The following TNR variants were observed in gnomAD, a reference collection of about 807,000 sequenced individuals.
TNR encodes tenascin-R.
TNR carries 45 observed loss-of-function variants against 150.4 expected under a neutral mutation model. The ratio of observed to expected loss-of-function variants is 0.30; its 90% CI spans 0.24 to 0.38. TNR has a LOEUF of 0.38. Ranked by LOEUF, TNR falls within the 10% of genes least tolerant of loss-of-function variation. TNR has a pLI of 1.00. For synonymous variants in TNR, 687 were observed against 678.4 expected (o/e 1.01, Z -0.20); for missense variants, 1,544 against 1,759.1 (o/e 0.88, Z 2.19).
chr1:175,640,774 T>C (rs1664629506), intron 1 of TNR, among the ~76,000 whole-genome samples: 1 of 149,150 alleles, frequency 6.7e-6, no homozygotes, highest in Non-Finnish European at 1.5e-5. Context: ...TAAATATATA[T>C]ATGTGTGTGT....
intron 1 of TNR, among the ~76,000 whole-genome samples, chr1:175,560,226 T>C (rs1271507765): frequency 6.6e-6 from 1 of 152,224 alleles, no homozygotes; most frequent in Non-Finnish European, 1.5e-5. Flanking sequence ...GCCAGTCCCA[T>C]AGTCTGTAGA....
intron 2 of TNR, among the ~76,000 whole-genome samples, chr1:175,441,145 T>C (rs950440147): frequency 1.3e-5 from 2 of 152,198 alleles, no homozygotes; most frequent in African/African-American, 4.8e-5. Flanking sequence ...ACAATTAACA[T>C]GATGCCTGGC....
At chr1:175,645,152 G>T (rs192723824) in intron 1 of TNR, among the ~76,000 whole-genome samples, 7 of 152,148 alleles carry the variant, frequency 4.6e-5, no homozygotes, top group Admixed American at 4.6e-4. Flanking sequence ...ATAATAAAAT[G>T]ACACATTTTT....
intron 2 of TNR, among the ~76,000 whole-genome samples, chr1:175,517,753 A>G (rs1285570967): frequency 6.6e-6 from 1 of 152,180 alleles, no homozygotes; most frequent in African/African-American, 2.4e-5. Context: ...TGCACAGATG[A>G]TAAGTTTCTT....
intron 1 of TNR, among the ~76,000 whole-genome samples, chr1:175,648,887 C>G (rs2101886857): frequency 6.6e-6 from 1 of 152,306 alleles, no homozygotes; most frequent in South Asian, 2.1e-4. Flanking sequence ...CCACCACCTT[C>G]CTGGTTCATG....
At position 175,402,073 on chromosome 1, in the gene TNR, C is replaced by T. The variant is rs370967464; in HGVS notation, c.976+1067G>A. The stretch of plus-strand genomic sequence containing the variant: ...CTGTAATCCCAGCACTTTGGGAGGC[C>T]GAGGCGGGCGGATCATGAGGTCAGG... On this transcript the variant is annotated intron_variant, in intron 4 of 22. Transcript: ENST00000367674. Among the ~76,000 whole-genome samples, 19 of 150,956 alleles carry T rather than the reference C, an allele frequency of 1.3e-4. 1 individual carries two copies. The highest frequency in any genetic ancestry group is 9.8e-4 in the East Asian group (5 of 5,126).
chr1:175,497,915 C>T (rs1232175591), intron 2 of TNR, among the ~76,000 whole-genome samples: 1 of 152,082 alleles, frequency 6.6e-6, no homozygotes, highest in Non-Finnish European at 1.5e-5. Context: ...GAAAAATTAG[C>T]TGGGCGTGGT....
intron 1 of TNR, among the ~76,000 whole-genome samples, chr1:175,701,693 A>G (rs1256734014): frequency 6.6e-6 from 1 of 152,246 alleles, no homozygotes; most frequent in African/African-American, 2.4e-5. Context: ...TGTATTAACA[A>G]TGCTGTTGAT....
At position 175,406,243 on chromosome 1, in the gene TNR, T is replaced by A. The variant is rs776307251; in HGVS notation, c.472A>T (p.Asn158Tyr). The A allele has an allele frequency of 6.2e-7, 1 of 1,614,082 alleles. No individual in the cohort carries two copies. Among genetic ancestry groups the A allele is most frequent in the Non-Finnish European group, 8.5e-7 (1 of 1,179,992 alleles). Reference protein sequence around the residue: ...VSVLRDQCNANCCQESAATGQ... With the variant: ...VSVLRDQCNAYCCQESAATGQ... ...GTGGCAGCACTTTCTTGGCAGCAGT[T>A]GGCGTTGCACTGGTCTCGCAGCACC... The change falls in exon 3 of 23, where the codon AAC (asparagine) becomes TAC (tyrosine). Residue 158 changes from asparagine to tyrosine, a missense_variant. Physicochemically the swap from Asn to Tyr is moderately radical, Grantham distance 143. Around this residue, in one of 2 missense-constraint regions of TNR, gnomAD observed 1,254 missense variants for 1,329.4 expected, o/e 0.94. Coordinates refer to ENST00000367674, the MANE Select transcript of TNR (RefSeq NM_003285.3).
At chr1:175,359,431 C>T (rs1433806056) in intron 15 of TNR, among the ~76,000 whole-genome samples, 181 bp downstream of exon 15, 1 of 152,022 alleles carries the variant, frequency 6.6e-6, no homozygotes, top group Non-Finnish European at 1.5e-5. Context: ...CAAGTGTGAG[C>T]CACGATGCCC....
Position 175,331,002 on chromosome 1 carries a change from T to TTTCTTTC in TNR, c.3632-774_3632-768dup, listed in dbSNP as rs1491470362. Among the ~76,000 whole-genome samples, 39 of 27,896 alleles carry TTTCTTTC rather than the reference T, an allele frequency of 1.4e-3. 1 individual carries two copies. Among genetic ancestry groups the TTTCTTTC allele is most frequent in the African/African-American group, 4.9e-3 (35 of 7,188 alleles). 18.3% of individuals were successfully genotyped at this position (27,896 alleles called of 152,430 possible). On this transcript the variant is annotated intron_variant, in intron 20 of 22. Coordinates refer to ENST00000367674, the MANE Select transcript of TNR (RefSeq NM_003285.3). ...GAGTCCAGATCCCTCTTGGTGATTC[T>TTTCTTTC]TTCTTTCTTTCTTTCTTTCTTTCTT...
chr1:175,721,585 A>T (rs1383954338), intron 1 of TNR, among the ~76,000 whole-genome samples: 2 of 152,044 alleles, frequency 1.3e-5, no homozygotes, highest in Admixed American at 1.3e-4. Context: ...GCTTCTCTTC[A>T]TTCTGCACTG....
intron 2 of TNR, among the ~76,000 whole-genome samples, chr1:175,438,970 A>T: frequency 6.6e-6 from 1 of 152,122 alleles, no homozygotes; most frequent in Non-Finnish European, 1.5e-5. Context: ...TATAGATTCA[A>T]TGCCATCCCC....
chr1:175,522,605 C>T (rs1659684314), intron 2 of TNR, among the ~76,000 whole-genome samples: 1 of 152,022 alleles, frequency 6.6e-6, no homozygotes, highest in Admixed American at 6.6e-5. Context: ...TGCAAAACTA[C>T]AATCTGTAGG....
chr1:175,354,476 C>A lies in TNR; in HGVS notation c.3297G>T (p.Leu1099=). The A allele has an allele frequency of 6.2e-7, 1 of 1,614,134 alleles. No homozygotes were observed. The highest frequency in any genetic ancestry group is 1.3e-5 in the African/African-American group (1 of 75,044). ...AEDTWIRLEG[L]LENTDYTVLL... ...GCACCGTGTAGTCTGTGTTCTCCAA[C>A]AGGCCCTCCAGTCGAATCCAGGTGT... The change falls in exon 18 of 23, where the codon CTG becomes CTT. Residue 1099 remains leucine (L), a synonymous_variant. Transcript: ENST00000367674.
intron 1 of TNR, among the ~76,000 whole-genome samples, chr1:175,741,840 G>T (rs1419561975): frequency 6.6e-6 from 1 of 152,158 alleles, no homozygotes; most frequent in African/African-American, 2.4e-5. Flanking sequence ...CCATTCTAGG[G>T]TCCATTTGGG....
chr1:175,656,561 G>A (rs1162687127), intron 1 of TNR: 1 of 152,400 alleles, frequency 6.6e-6, no homozygotes, highest in Non-Finnish European at 1.5e-5. Context: ...TGAGCTTGCA[G>A]CTGGCTGGCT....
Position 175,362,759 on chromosome 1 carries a change from T to A in TNR, c.2758A>T (p.Ile920Phe), listed in dbSNP as rs748291080. Residue 920 changes from isoleucine to phenylalanine, a missense_variant, in exon 14 of 23, where the codon ATC (isoleucine) becomes TTC (phenylalanine). Transcript: ENST00000367674. Reference protein sequence around the residue: ...VVPNTVTEFTITRLNPATEYE... With the variant: ...VVPNTVTEFTFTRLNPATEYE... The stretch of plus-strand genomic sequence containing the variant: ...TCGGTAGCTGGGTTCAGTCTGGTGA[T>A]GGTGAATTCTGTCACAGTGTTGGGC... 2 of 1,614,160 alleles carry A rather than the reference T, an allele frequency of 1.2e-6. No individual in the cohort carries two copies. The highest frequency in any genetic ancestry group is 1.1e-5 in the South Asian group (1 of 91,080).
intron 2 of TNR, among the ~76,000 whole-genome samples, chr1:175,439,957 G>T (rs1056736644): frequency 6.6e-6 from 1 of 152,206 alleles, no homozygotes; most frequent in African/African-American, 2.4e-5. Flanking sequence ...CATTGTGGAA[G>T]ACAGTGTGGT....
Sources: gnomAD v4.1 joint callset for allele counts (sites outside exome capture counted in the v4.1 genomes callset) on GRCh38, gnomAD v4.1.1 for gene constraint, gnomAD v4.1.1 regional missense constraint, MANE v1.5 for transcripts, NCBI Gene and HGNC (gene_info 2026-07-23, HGNC 2026-07-21) for gene names.